ELAPOR2: variants seen among roughly 807,000 people sequenced by gnomAD.
ELAPOR2 encodes endosome-lysosome associated apoptosis and autophagy regulator family member 2.
In ELAPOR2, 89 loss-of-function variants were observed where a neutral mutation model predicts 120.7. The observed-to-expected ratio is 0.74, with a 90% CI of 0.62 to 0.88. ELAPOR2 has a LOEUF of 0.88. ELAPOR2 is among the 40% of genes least tolerant of loss of function. ELAPOR2 has a pLI of 0.00. For missense variants in ELAPOR2, 1,134 were observed against 1,251.6 expected (o/e 0.91, Z 1.42); for synonymous variants, 444 against 444.9 (o/e 1.00, Z 0.03).
chr7:86,988,259 A>T (rs1562957659), intron 1 of ELAPOR2, among the ~76,000 whole-genome samples: 1 of 152,194 alleles, frequency 6.6e-6, no homozygotes, highest in Non-Finnish European at 1.5e-5. Flanking sequence ...TGATGGGTTG[A>T]TGGGTGTAGC....
chr7:86,951,472 T>C (rs551360106), intron 2 of ELAPOR2, among the ~76,000 whole-genome samples: 1 of 152,376 alleles, frequency 6.6e-6, no homozygotes, highest in South Asian at 2.1e-4. Flanking sequence ...CACTGCCCTG[T>C]TAATTAAAAT....
intron 2 of ELAPOR2, among the ~76,000 whole-genome samples, chr7:86,953,413 T>TG (rs1791347626): frequency 6.6e-6 from 1 of 152,218 alleles, no homozygotes; most frequent in Non-Finnish European, 1.5e-5. Context: ...GAGTTAGCAC[T>TG]GCTGACTTCC....
In ELAPOR2 at chr7:86,906,271, G is replaced by A. The variant is rs995801032; in HGVS notation, c.2558+1399C>T. ...CACACCTTTCCTTGGAGGGTGGCTT[G>A]TTGCCTTGGTTCTAGCTTGGAGGCT... On this transcript the variant is annotated intron_variant, in intron 18 of 21. Transcript: ENST00000450689. Among the ~76,000 whole-genome samples, 4 of 152,120 alleles carry A rather than the reference G, an allele frequency of 2.6e-5. No homozygotes were observed. In the East Asian group the frequency reaches 7.7e-4, roughly 29 times the overall value.
At chr7:86,884,426 C>T (rs1173527414) in intron 21 of ELAPOR2, among the ~76,000 whole-genome samples, 1 of 152,138 alleles carries the variant, frequency 6.6e-6, no homozygotes, top group African/African-American at 2.4e-5. Flanking sequence ...ACTGCACAGG[C>T]CTACTTATAG....
chr7:87,045,494 A>AT (rs1794923111), intron 1 of ELAPOR2, among the ~76,000 whole-genome samples: 1 of 151,330 alleles, frequency 6.6e-6, no homozygotes, highest in East Asian at 1.9e-4. Flanking sequence ...CATTCTCAGT[A>AT]AACTATCGCA....
intron 1 of ELAPOR2, among the ~76,000 whole-genome samples, chr7:87,012,907 T>C (rs1176255382): frequency 6.6e-6 from 1 of 152,180 alleles, no homozygotes; most frequent in Non-Finnish European, 1.5e-5. Flanking sequence ...ATTTAATGAC[T>C]AGAAAATCCT....
chr7:87,027,673 C>T (rs571811241), intron 1 of ELAPOR2, among the ~76,000 whole-genome samples: 1 of 152,104 alleles, frequency 6.6e-6, no homozygotes, highest in Non-Finnish European at 1.5e-5. Context: ...TGAAGAGACA[C>T]ACAGGGAGAA....
At chr7:86,948,689 C>T (rs1791106537) in intron 2 of ELAPOR2, among the ~76,000 whole-genome samples, 1 of 151,682 alleles carries the variant, frequency 6.6e-6, no homozygotes, top group Non-Finnish European at 1.5e-5. Flanking sequence ...GAACTGTACC[C>T]AGAGATACTA....
At chr7:86,946,306 G>A (rs1791006564) in intron 3 of ELAPOR2, among the ~76,000 whole-genome samples, 1 of 152,098 alleles carries the variant, frequency 6.6e-6, no homozygotes, top group Non-Finnish European at 1.5e-5. Flanking sequence ...AGTCTACAAT[G>A]ATATAACCAT....
intron 19 of ELAPOR2, among the ~76,000 whole-genome samples, chr7:86,896,555 A>T (rs1471991898): frequency 6.6e-6 from 1 of 151,960 alleles, no homozygotes; most frequent in Non-Finnish European, 1.5e-5. Flanking sequence ...CCCCTCTCTG[A>T]TTCTCTGGTG....
chr7:87,011,262 A>G (rs1189107227), intron 1 of ELAPOR2, among the ~76,000 whole-genome samples: 1 of 147,766 alleles, frequency 6.8e-6, no homozygotes, highest in Non-Finnish European at 1.5e-5. Flanking sequence ...AAAAAAAAAA[A>G]AAAAAAGAAA....
At chr7:87,046,619 T>C (rs1284803925) in intron 1 of ELAPOR2, among the ~76,000 whole-genome samples, 1 of 152,148 alleles carries the variant, frequency 6.6e-6, no homozygotes, top group Non-Finnish European at 1.5e-5. Context: ...TTCAGAGCAG[T>C]TTCCCCCACC....
intron 1 of ELAPOR2, among the ~76,000 whole-genome samples, chr7:86,972,528 T>C (rs571666734): frequency 2.6e-5 from 4 of 152,068 alleles, no homozygotes; most frequent in Middle Eastern, 6.8e-3. Flanking sequence ...AGAAGAGTTA[T>C]TTCCTCTGGG....
At chr7:87,032,577 AC>A (rs1410670878) in intron 1 of ELAPOR2, among the ~76,000 whole-genome samples, 2 of 152,050 alleles carry the variant, frequency 1.3e-5, no homozygotes, top group Non-Finnish European at 2.9e-5. Context: ...TCTCACTCTC[AC>A]CTCTTCACGT....
intron 19 of ELAPOR2, among the ~76,000 whole-genome samples, chr7:86,893,994 G>A (rs1788319929): frequency 1.3e-5 from 2 of 152,002 alleles, no homozygotes. Context: ...CTTTTAACGT[G>A]TCTCATTAAA....
intron 1 of ELAPOR2, among the ~76,000 whole-genome samples, chr7:86,989,305 G>A (rs770024516): frequency 1.6e-4 from 25 of 152,170 alleles, no homozygotes; most frequent in Non-Finnish European, 2.6e-4. Flanking sequence ...TACAAAATAC[G>A]TGCATATTTA....
chr7:86,896,675 T>C (rs1403968699), intron 19 of ELAPOR2, among the ~76,000 whole-genome samples: 1 of 152,138 alleles, frequency 6.6e-6, no homozygotes, highest in Non-Finnish European at 1.5e-5. Flanking sequence ...ACAAGTGGTC[T>C]TGAAGCAGAT....
Position 86,879,066 on chromosome 7 carries a change from C to T in ELAPOR2, c.*1405G>A, listed in dbSNP as rs184707343. On this transcript the variant is annotated 3_prime_UTR_variant, in exon 22 of 22. Coordinates refer to ENST00000450689, the MANE Select transcript of ELAPOR2 (RefSeq NM_001142749.3). ...CAAATCATTTCCCTACATATATGCC[C>T]TGCCTCTCTCAGCCAATCACAACTA... 28 of 152,282 alleles carry T rather than the reference C, an allele frequency of 1.8e-4. No individual in the cohort carries two copies. The highest frequency in any genetic ancestry group is 8.8e-5 in the Non-Finnish European group (6 of 68,004). 9.4% of individuals were successfully genotyped at this position (152,282 alleles called of 1,614,324 possible).
intron 8 of ELAPOR2, among the ~76,000 whole-genome samples, chr7:86,935,220 A>G (rs1790513481): frequency 6.6e-6 from 1 of 152,042 alleles, no homozygotes; most frequent in Non-Finnish European, 1.5e-5. Context: ...CTATGAAACC[A>G]TGCCTTTTCT....
Sources: gnomAD v4.1 joint callset for allele counts (sites outside exome capture counted in the v4.1 genomes callset) on GRCh38, gnomAD v4.1.1 for gene constraint, MANE v1.5 for transcripts, NCBI Gene and HGNC (gene_info 2026-07-23, HGNC 2026-07-21) for gene names.